SAMD3: variants seen among roughly 807,000 people sequenced by gnomAD.
SAMD3 encodes sterile alpha motif domain containing 3, also known as sterile alpha motif domain-containing protein 3.
In SAMD3, 63 loss-of-function variants were observed where a neutral mutation model predicts 58.5. That is an observed-to-expected ratio of 1.08 (90% CI 0.88 to 1.33). The LOEUF is 1.33. SAMD3 is among the 40% of genes most tolerant of loss of function. SAMD3 has a pLI of 0.00. For synonymous variants in SAMD3, 220 were observed against 210.3 expected (o/e 1.05, Z -0.40); for missense variants, 604 against 608.4 (o/e 0.99, Z 0.08).
At chr6:130,242,885 C>T (rs1413156128) in intron 2 of SAMD3, among the ~76,000 whole-genome samples, 1 of 152,146 alleles carries the variant, frequency 6.6e-6, no homozygotes, top group African/African-American at 2.4e-5. Flanking sequence ...TCAGGCACTG[C>T]CAGGTGAAGA....
chr6:130,144,785 A>G lies in SAMD3; in HGVS notation c.1298T>C (p.Val433Ala), dbSNP rs771265992. 9 of 1,612,438 alleles carry G rather than the reference A, an allele frequency of 5.6e-6. No individual in the cohort carries two copies. Among genetic ancestry groups the G allele is most frequent in the Non-Finnish European group, 5.9e-6 (7 of 1,179,328 alleles). The change falls in exon 12 of 12, where the codon GTG becomes GCG. Residue 433 changes from valine to alanine, a missense_variant. Coordinates refer to ENST00000439090, the MANE Select transcript of SAMD3 (RefSeq NM_001017373.4). Reference sequence around the variant, plus strand: ...GTTGAAAGGGTTTTTAACTTCCAACACAGGTGTGGACACTTGCACCTGAAA... The same window carrying G: ...GTTGAAAGGGTTTTTAACTTCCAACGCAGGTGTGGACACTTGCACCTGAAA... ...MNEQVQVSTP[V>A]LEVKNPFNME...
chr6:130,205,431 G>A (rs1433032603), intron 5 of SAMD3, among the ~76,000 whole-genome samples: 2 of 152,056 alleles, frequency 1.3e-5, no homozygotes, highest in African/African-American at 2.4e-5. Context: ...TGCCTCTCAA[G>A]TATCTGGGAT....
chr6:130,212,030 TGAGGGGC>T (rs1795617785), intron 4 of SAMD3, among the ~76,000 whole-genome samples: 3 of 151,482 alleles, frequency 2.0e-5, no homozygotes, highest in African/African-American at 7.3e-5. Flanking sequence ...CAAGGCTAGT[TGAGGGGC>T]TAATATCATA....
intron 5 of SAMD3, among the ~76,000 whole-genome samples, chr6:130,188,143 C>A (rs1228174534): frequency 6.6e-6 from 1 of 152,194 alleles, no homozygotes; most frequent in Non-Finnish European, 1.5e-5. Context: ...CCAACATTTT[C>A]TAACTTTAGT....
rs1018385376 is a variant in SAMD3, at chr6:130,302,195, G to A, written c.-188+10783C>T. Among the ~76,000 whole-genome samples the A allele has an allele frequency of 2.0e-5, 3 of 152,178 alleles. No individual in the cohort carries two copies. The East Asian group carries it at 5.8e-4, about 29-fold the overall frequency. The stretch of plus-strand genomic sequence containing the variant: ...ACAACCTCCAGAATGAGAAAAGTAT[G>A]CATGCAACAAAGGACTAATATCCAG... On this transcript the variant is annotated intron_variant, in intron 2 of 13. Transcript: ENST00000368134.
intron 5 of SAMD3, among the ~76,000 whole-genome samples, chr6:130,197,432 G>A (rs541785644): frequency 6.6e-6 from 1 of 152,144 alleles, no homozygotes; most frequent in Non-Finnish European, 1.5e-5. Context: ...AATAATCTTT[G>A]CTGGTAGGAC....
intron 10 of SAMD3, 60 bp downstream of exon 10, chr6:130,145,949 CT>C: frequency 9.1e-7 from 1 of 1,096,170 alleles, no homozygotes; most frequent in Non-Finnish European, 1.2e-6. Context: ...CAAAGCATAA[CT>C]TTTCTAGATA....
intron 2 of SAMD3, among the ~76,000 whole-genome samples, chr6:130,236,311 G>A (rs574194322): frequency 3.7e-4 from 57 of 152,058 alleles, no homozygotes; most frequent in African/African-American, 1.2e-3. Flanking sequence ...CAAAGACAGC[G>A]GAAGTTAGAC....
At chr6:130,210,924 T>A (rs1795488952) in intron 4 of SAMD3, among the ~76,000 whole-genome samples, 1 of 151,876 alleles carries the variant, frequency 6.6e-6, no homozygotes, top group Admixed American at 6.6e-5. Context: ...ATTAAGACCA[T>A]CCTGGCTAAT....
intron 2 of SAMD3, among the ~76,000 whole-genome samples, chr6:130,269,580 A>G (rs984404917): frequency 6.6e-6 from 1 of 152,050 alleles, no homozygotes; most frequent in Non-Finnish European, 1.5e-5. Context: ...CCATTCTGAT[A>G]TTGGTAATAT....
chr6:130,148,005 A>G (rs1788790846), intron 9 of SAMD3, among the ~76,000 whole-genome samples: 1 of 152,184 alleles, frequency 6.6e-6, no homozygotes, highest in Non-Finnish European at 1.5e-5. Context: ...TTAGAAATGG[A>G]ATTCACCAGG....
intron 8 of SAMD3, among the ~76,000 whole-genome samples, chr6:130,164,487 A>ATG (rs1471233168): frequency 3.9e-5 from 6 of 152,188 alleles, no homozygotes; most frequent in Non-Finnish European, 7.3e-5. Flanking sequence ...TCCTCAAAAA[A>ATG]TGCCTTCATT....
At chr6:130,213,568 C>A (rs9483093) in intron 4 of SAMD3, among the ~76,000 whole-genome samples, 111,716 of 151,974 alleles carry the variant, frequency 0.74, 41,187 homozygotes, top group Middle Eastern at 0.81. Flanking sequence ...TTTATTTAAT[C>A]TTAGAAACCC....
At chr6:130,357,676 G>A (rs532396419) in intron 1 of SAMD3, among the ~76,000 whole-genome samples, 1 of 152,110 alleles carries the variant, frequency 6.6e-6, no homozygotes, top group Non-Finnish European at 1.5e-5. Context: ...TTAAACTCTC[G>A]GAGCTCCAAC....
intron 5 of SAMD3, among the ~76,000 whole-genome samples, chr6:130,194,102 A>G (rs146290385): frequency 0.013 from 1,996 of 152,158 alleles, 18 homozygotes; most frequent in South Asian, 0.042. Context: ...CCTCACACCC[A>G]GTCTGGCTTA....
intron 5 of SAMD3, among the ~76,000 whole-genome samples, chr6:130,201,513 T>C (rs1380161641): frequency 1.3e-5 from 2 of 152,180 alleles, no homozygotes; most frequent in Non-Finnish European, 2.9e-5. Flanking sequence ...ATAAGTACAA[T>C]AGAATTTGAG....
At chr6:130,235,927 T>A (rs925905088) in intron 2 of SAMD3, among the ~76,000 whole-genome samples, 1 of 152,198 alleles carries the variant, frequency 6.6e-6, no homozygotes, top group Admixed American at 6.5e-5. Flanking sequence ...CACTCTGTAG[T>A]TGAGATGTAG....
chr6:130,234,785 T>G (rs1468798928), intron 2 of SAMD3, among the ~76,000 whole-genome samples: 3 of 152,218 alleles, frequency 2.0e-5, no homozygotes, highest in African/African-American at 7.2e-5. Context: ...TACACTCTAA[T>G]CTTTATACAT....
chr6:130,184,360 G>A (rs1240081238), intron 6 of SAMD3, 78 bp downstream of exon 6: 4 of 1,411,174 alleles, frequency 2.8e-6, no homozygotes, highest in South Asian at 2.6e-5. Context: ...TCTGAAGAGA[G>A]TTGATTCCAC....
Sources: allele counts gnomAD v4.1 joint callset (sites outside exome capture counted in the v4.1 genomes callset), GRCh38; gene constraint gnomAD v4.1.1; transcripts MANE v1.5; gene names NCBI Gene and HGNC (gene_info 2026-07-23, HGNC 2026-07-21).